ARSG: variants seen among roughly 807,000 people sequenced by gnomAD.
ARSG encodes the protein arylsulfatase G.
In ARSG, 37 loss-of-function variants were observed where a neutral mutation model predicts 50.5. That is an observed-to-expected ratio of 0.73 (90% CI 0.56 to 0.96). The LOEUF (loss-of-function observed/expected upper bound fraction) is 0.96. ARSG is among the 50% of genes least tolerant of loss of function. The probability of loss-of-function intolerance (pLI) is 0.00; values close to 1 mark genes in which losing one functional copy is unlikely to be tolerated. For synonymous variants in ARSG, 225 were observed against 254.6 expected, an observed-to-expected ratio of 0.88 and a Z score of 1.11; for missense variants, 629 against 675.3, an observed-to-expected ratio of 0.93 and a Z score of 0.76.
chr17:68,364,357 G>T (rs76112931), intron 6 of ARSG, among the ~76,000 whole-genome samples: 91 of 151,918 alleles, frequency 6.0e-4, no homozygotes, highest in Middle Eastern at 3.4e-3. Context: ...CCTGTTTTTT[G>T]TTGTTGTTGT....
At chr17:68,386,943 C>G (rs2080755649) in intron 9 of ARSG, among the ~76,000 whole-genome samples, 1 of 151,990 alleles carries the variant, frequency 6.6e-6, no homozygotes, top group Non-Finnish European at 1.5e-5. Flanking sequence ...AGAATTGTAC[C>G]AGGATAATAC....
At chr17:68,270,879 G>A (rs782681938) in intron 1 of ARSG, 6 of 1,614,134 alleles carry the variant, frequency 3.7e-6, no homozygotes, top group South Asian at 1.1e-5. Context: ...TGCTCTGAAT[G>A]AAGATGTAGA....
chr17:68,405,784 C>A (rs1037567407), intron 11 of ARSG, among the ~76,000 whole-genome samples: 2 of 152,080 alleles, frequency 1.3e-5, no homozygotes, highest in East Asian at 3.8e-4. Flanking sequence ...CTCTTATAAC[C>A]CTTTTTAAAA....
intron 1 of ARSG, among the ~76,000 whole-genome samples, chr17:68,294,593 A>C (rs1310281173): frequency 6.6e-6 from 1 of 152,096 alleles, no homozygotes; most frequent in Non-Finnish European, 1.5e-5. Flanking sequence ...CTTCCATGGG[A>C]GGCTTCGATG....
chr17:68,313,978 C>G (rs58155344), intron 2 of ARSG, among the ~76,000 whole-genome samples: 1,659 of 152,144 alleles, frequency 0.011, 39 homozygotes, highest in African/African-American at 0.038. Flanking sequence ...CATGCCTGGC[C>G]TACATATCTC....
At chr17:68,434,332 A>C in the ARSG span, among the ~76,000 whole-genome samples, 1 of 152,154 alleles carries the variant, frequency 6.6e-6, no homozygotes, top group Non-Finnish European at 1.5e-5. Context: ...CACACATCAA[A>C]AAGGGACTCT....
At chr17:68,301,720 T>C (rs2076424625) in intron 1 of ARSG, among the ~76,000 whole-genome samples, 1 of 135,940 alleles carries the variant, frequency 7.4e-6, no homozygotes, top group Non-Finnish European at 1.7e-5. Context: ...AGCCTTTCTT[T>C]CCTCTCTGAC....
intron 4 of ARSG, 30 bp from the exon 5 acceptor site, chr17:68,351,545 G>T (rs764085548): frequency 1.5e-6 from 2 of 1,305,036 alleles, no homozygotes; most frequent in South Asian, 2.4e-5. Flanking sequence ...GCAGCCACGT[G>T]GGGGTGCTAA....
In ARSG at chr17:68,347,084, A is replaced by G. The variant is rs1443187744; in HGVS notation, c.407-41A>G. ...CTCCTCAGGGGGCTGTGGTACCCCT[A>G]TGGGGATTCCTCTGAAAATCTCTCT... On this transcript the variant is annotated intron_variant, in intron 3 of 11. Coordinates refer to ENST00000621439, the MANE Select transcript of ARSG (RefSeq NM_001267727.2). 13 of 1,608,644 alleles carry G rather than the reference A, an allele frequency of 8.1e-6. No homozygotes were observed. In the Admixed American group the frequency reaches 1.5e-4, roughly 19 times the overall value.
intron 11 of ARSG, among the ~76,000 whole-genome samples, chr17:68,409,678 T>C (rs1298556973): frequency 6.7e-6 from 1 of 148,908 alleles, no homozygotes; most frequent in Non-Finnish European, 1.5e-5. Context: ...GGTAGCTTGA[T>C]GGGGATGGCA....
chr17:68,361,223 T>A (rs1300436304), intron 6 of ARSG, among the ~76,000 whole-genome samples: 1 of 152,006 alleles, frequency 6.6e-6, no homozygotes, highest in Non-Finnish European at 1.5e-5. Flanking sequence ...GGTGGGGCCA[T>A]TAGGAGGAAA....
In ARSG at chr17:68,395,502, C is replaced by T. The variant is rs187382905; in HGVS notation, c.1212+309C>T. Among the ~76,000 whole-genome samples, 7 of 152,286 alleles carry T rather than the reference C, an allele frequency of 4.6e-5. No individual in the cohort carries two copies. The East Asian group carries it at 9.7e-4, about 21-fold the overall frequency. On this transcript the variant is annotated intron_variant, in intron 10 of 11. Coordinates refer to ENST00000621439, the MANE Select transcript of ARSG (RefSeq NM_001267727.2). ...ACTTGGGAGGCTGAGGCAGCAGAAT[C>T]GCTTGAACCCGGGAGGCAGAGGTTG...
At chr17:68,436,481 TG>T in the ARSG span, 1 of 1,613,428 alleles carries the variant, frequency 6.2e-7, no homozygotes, top group Non-Finnish European at 8.5e-7. Context: ...CACATAGACC[TG>T]GCAAAGAAGA....
Position 68,368,545 on chromosome 17 carries a change from C to T in ARSG, c.705-3C>T, listed in dbSNP as rs903612382. ...GAGTCACCTCTTGGTTCTCCTGTTT[C>T]AGCACCAGCGGGAGGCCCTTCCTGC... On this transcript the variant is annotated splice_region_variant and splice_polypyrimidine_tract_variant and intron_variant, in intron 6 of 11. Transcript: ENST00000621439. The T allele has an allele frequency of 6.2e-7, 1 of 1,613,028 alleles. No individual in the cohort carries two copies. The highest frequency in any genetic ancestry group is 8.5e-7 in the Non-Finnish European group (1 of 1,179,778).
intron 2 of ARSG, among the ~76,000 whole-genome samples, chr17:68,337,216 A>C (rs2078062665): frequency 6.6e-6 from 1 of 152,200 alleles, no homozygotes; most frequent in Non-Finnish European, 1.5e-5. Context: ...ATTGCGTTTA[A>C]GGTGCCAAGA....
At chr17:68,424,099 G>C (rs572361002), downstream of ARSG, among the ~76,000 whole-genome samples, 2 of 152,290 alleles carry the variant, frequency 1.3e-5, no homozygotes, top group African/African-American at 4.8e-5. Flanking sequence ...TTTAAGGCCA[G>C]TTGGGGCCAT....
rs201650215 is a variant in ARSG at position 68,271,389 on chromosome 17, C to T, written c.-552+11963C>T. Reference sequence around the variant, plus strand: ...GCATGTCGGCCTTCGGCTCCAGTTCCAGGTTAGTGTGAGTAGGCACATTTT... The same window carrying T: ...GCATGTCGGCCTTCGGCTCCAGTTCTAGGTTAGTGTGAGTAGGCACATTTT... On this transcript the variant is annotated intron_variant, in intron 1 of 11. Coordinates refer to the ARSG transcript ENST00000448504. This position sits in a 1 kb window ranked among gnomAD's most constrained non-coding sequence, Gnocchi z 5.3. 4.8e-5 allele frequency: 77 copies of T among 1,613,718 alleles called. No homozygotes were observed. Among genetic ancestry groups the T allele is most frequent in the Admixed American group, 1.8e-4 (11 of 60,016 alleles).
Position 68,302,382 on chromosome 17 carries a change from C to T in ARSG, c.-551-4561C>T, listed in dbSNP as rs149256779. On this transcript the variant is annotated intron_variant, in intron 1 of 11. Coordinates refer to ENST00000621439, the MANE Select transcript of ARSG (RefSeq NM_001267727.2). Reference sequence around the variant, plus strand: ...CAGAACCCTCTGCCAGAAAGGTCTGCCCGACCTTCTTGTTATTTCAGCTGT... The same window carrying T: ...CAGAACCCTCTGCCAGAAAGGTCTGTCCGACCTTCTTGTTATTTCAGCTGT... Among the ~76,000 whole-genome samples, 167 of 152,236 alleles carry T rather than the reference C, an allele frequency of 1.1e-3. 1 individual carries two copies. The highest frequency in any genetic ancestry group is 3.9e-3 in the African/African-American group (162 of 41,514).
the ARSG span, chr17:68,444,699 G>A: frequency 1.2e-6 from 1 of 828,266 alleles, no homozygotes; most frequent in Admixed American, 3.1e-5. Context: ...TAAGCCTAAA[G>A]CAGAATTTTG....
Sources: gnomAD v4.1 joint callset for allele counts (sites outside exome capture counted in the v4.1 genomes callset) on GRCh38, gnomAD v4.1.1 for gene constraint, Gnocchi (gnomAD v3.1) non-coding constraint, MANE v1.5 for transcripts, NCBI Gene and HGNC (gene_info 2026-07-23, HGNC 2026-07-21) for gene names.